Variants in ANK2 observed in about 807,000 individuals in gnomAD.
The protein encoded by ANK2 is ankyrin 2.
ANK2 carries 83 observed loss-of-function variants against 360.5 expected under a neutral mutation model. The ratio of observed to expected loss-of-function variants is 0.23; its 90% CI spans 0.19 to 0.28. The LOEUF (loss-of-function observed/expected upper bound fraction) is 0.28. Ranked by LOEUF, ANK2 falls within the 10% of genes least tolerant of loss-of-function variation. ANK2 has a pLI of 1.00. For missense variants in ANK2, 4,201 were observed against 4,795.7 expected, an observed-to-expected ratio of 0.88 and a Z score of 3.66; for synonymous variants, 1,740 against 1,759.5, an observed-to-expected ratio of 0.99 and a Z score of 0.28.
At chr4:112,990,645 A>AT (rs1206437734) in intron 2 of ANK2, among the ~76,000 whole-genome samples, 1 of 152,152 alleles carries the variant, frequency 6.6e-6, no homozygotes, top group Non-Finnish European at 1.5e-5. Context: ...GAAGATACCA[A>AT]TTTTGAGGAG....
the ANK2 span, among the ~76,000 whole-genome samples, chr4:112,793,543 A>G: frequency 2.9e-4 from 44 of 152,080 alleles, no homozygotes; most frequent in Admixed American, 2.0e-4. Context: ...TTACATACTA[A>G]CAATTAGATA....
the ANK2 span, among the ~76,000 whole-genome samples, chr4:112,712,334 A>G: frequency 6.8e-6 from 1 of 147,004 alleles, no homozygotes; most frequent in Non-Finnish European, 1.5e-5. Flanking sequence ...CCCACCTTGG[A>G]CTCCCAAAGT....
chr4:112,825,333 A>G (rs553869365), intron 1 of ANK2, among the ~76,000 whole-genome samples: 34 of 146,250 alleles, frequency 2.3e-4, no homozygotes, highest in Admixed American at 4.3e-4. Context: ...AACATAAAGG[A>G]TAATAAAAAA....
chr4:112,707,617 CAT>C, the ANK2 span, among the ~76,000 whole-genome samples: 4 of 152,064 alleles, frequency 2.6e-5, no homozygotes, highest in Non-Finnish European at 5.9e-5. Flanking sequence ...AATTATAAAT[CAT>C]ATTTTAAGCA....
chr4:113,014,848 C>CTTTTTTTTT (rs530387481), intron 2 of ANK2, among the ~76,000 whole-genome samples: 1 of 70,288 alleles, frequency 1.4e-5, no homozygotes, highest in Non-Finnish European at 2.4e-5. Context: ...GATCATAGAG[C>CTTTTTTTTT]TTTTTTTTTT....
chr4:113,347,477 G>A (rs1402560616), intron 35 of ANK2, among the ~76,000 whole-genome samples: 1 of 152,136 alleles, frequency 6.6e-6, no homozygotes, highest in Non-Finnish European at 1.5e-5. Flanking sequence ...AAAGAAAGAT[G>A]ACTGAGCTTT....
intron 2 of ANK2, among the ~76,000 whole-genome samples, chr4:113,178,429 G>A (rs975435278): frequency 2.6e-5 from 4 of 151,838 alleles, no homozygotes; most frequent in South Asian, 2.1e-4. Context: ...AAAATTAGCC[G>A]GGCGTGGCAG....
chr4:113,221,574 G>A (rs1048786312), intron 4 of ANK2, among the ~76,000 whole-genome samples: 10 of 151,720 alleles, frequency 6.6e-5, no homozygotes, highest in South Asian at 2.1e-4. Flanking sequence ...CAGGAGAATC[G>A]CTTGAACCCG....
chr4:113,251,451 C>A (rs887059159), intron 10 of ANK2, among the ~76,000 whole-genome samples: 3 of 151,146 alleles, frequency 2.0e-5, no homozygotes, highest in African/African-American at 7.3e-5. Flanking sequence ...CACTAAGGCA[C>A]CATCAAGATG....
chr4:113,313,491 T>G (rs1283730877), intron 24 of ANK2, among the ~76,000 whole-genome samples: 1 of 152,204 alleles, frequency 6.6e-6, no homozygotes, highest in Non-Finnish European at 1.5e-5. Flanking sequence ...CATACTGTGT[T>G]CTCCAGGTCT....
chr4:113,255,992 A>AT, intron 11 of ANK2, 60 bp downstream of exon 11: 9 of 1,549,956 alleles, frequency 5.8e-6, no homozygotes, highest in Non-Finnish European at 8.0e-6. Context: ...ACCCACATTC[A>AT]TTGACCAACA....
At chr4:113,263,075 C>G (rs759065590) in intron 13 of ANK2, among the ~76,000 whole-genome samples, 9 of 150,822 alleles carry the variant, frequency 6.0e-5, no homozygotes, top group Non-Finnish European at 1.2e-4. Flanking sequence ...ATAATCCCAG[C>G]TACTTGGGAG....
rs1405428702 is a variant in ANK2 at position 113,255,988 on chromosome 4, A to T, written c.1188+56A>T. On this transcript the variant is annotated intron_variant, in intron 11 of 45. Coordinates refer to ENST00000357077, the MANE Select transcript of ANK2 (RefSeq NM_001148.6). ...TACAGATTGAGACAAACAAACCCAC[A>T]TTCATTGACCAACATGCATACACCA... is the stretch of plus-strand genomic sequence containing the variant. 1.9e-6 allele frequency: 3 copies of T among 1,565,816 alleles called. No homozygotes were observed. In the Admixed American group the frequency reaches 5.0e-5, roughly 26 times the overall value.
chr4:113,328,260 GA>G (rs781570455), intron 26 of ANK2, among the ~76,000 whole-genome samples: 22 of 145,190 alleles, frequency 1.5e-4, no homozygotes, highest in African/African-American at 2.8e-4. Flanking sequence ...ACCAAAAGAT[GA>G]AAAAAAAAAC....
chr4:113,373,873 G>A (rs917974042), intron 45 of ANK2, among the ~76,000 whole-genome samples: 1 of 152,182 alleles, frequency 6.6e-6, no homozygotes, highest in Non-Finnish European at 1.5e-5. Context: ...TTGATATTCA[G>A]ATTTCTGCAT....
At chr4:113,079,667 G>T (rs2081517488) in intron 1 of ANK2, among the ~76,000 whole-genome samples, 1 of 152,024 alleles carries the variant, frequency 6.6e-6, no homozygotes, top group South Asian at 2.1e-4. Flanking sequence ...GTTGATACCT[G>T]CCTTTCTTCT....
At chr4:112,875,518 A>G (rs1348404482) in intron 1 of ANK2, among the ~76,000 whole-genome samples, 1 of 121,946 alleles carries the variant, frequency 8.2e-6, no homozygotes, top group Non-Finnish European at 1.8e-5. Flanking sequence ...ATTTATTTGT[A>G]GAGATGAGAA....
chr4:113,284,020 T>C (rs2063422007), intron 18 of ANK2, among the ~76,000 whole-genome samples: 1 of 152,244 alleles, frequency 6.6e-6, no homozygotes, highest in Non-Finnish European at 1.5e-5. Context: ...GAAGTGTTCC[T>C]GTACATCCCC....
intron 26 of ANK2, among the ~76,000 whole-genome samples, chr4:113,321,824 C>A (rs759312884): frequency 2.0e-5 from 3 of 152,150 alleles, no homozygotes; most frequent in Non-Finnish European, 4.4e-5. Flanking sequence ...CCTCCACCTC[C>A]CGGGTTCAAG....
Sources: allele counts gnomAD v4.1 joint callset (sites outside exome capture counted in the v4.1 genomes callset), GRCh38; gene constraint gnomAD v4.1.1; transcripts MANE v1.5; gene names NCBI Gene and HGNC (gene_info 2026-07-23, HGNC 2026-07-21).